LHFPL2: variants seen among roughly 807,000 people sequenced by gnomAD.
LHFPL2 encodes the protein LHFPL tetraspan subfamily member 2.
In LHFPL2, 7 loss-of-function variants were observed where a neutral mutation model predicts 17.5. The observed-to-expected ratio is 0.40, with a 90% confidence interval of 0.23 to 0.75. The LOEUF (loss-of-function observed/expected upper bound fraction) is 0.75, where lower values mean the gene tolerates loss of function less well. Ranked by LOEUF, LHFPL2 falls within the 30% of genes least tolerant of loss-of-function variation. LHFPL2 has a pLI of 0.37. For synonymous variants in LHFPL2, 134 were observed against 116.2 expected, an observed-to-expected ratio of 1.15 and a Z score of -0.99; for missense variants, 241 against 294.8, an observed-to-expected ratio of 0.82 and a Z score of 1.34.
intron 3 of LHFPL2, among the ~76,000 whole-genome samples, chr5:78,534,655 T>C (rs1243836400): frequency 1.3e-5 from 2 of 152,342 alleles, no homozygotes; most frequent in African/African-American, 4.8e-5. Flanking sequence ...CTCCAGGTCC[T>C]TGAGGGAAGC....
At chr5:78,560,322 C>T (rs1311394085) in intron 3 of LHFPL2, among the ~76,000 whole-genome samples, 1 of 152,270 alleles carries the variant, frequency 6.6e-6, no homozygotes, top group Non-Finnish European at 1.5e-5. Flanking sequence ...CTGCCGAAAA[C>T]TAAGCATCTA....
At chr5:78,610,045 C>T (rs1301972871) in intron 2 of LHFPL2, among the ~76,000 whole-genome samples, 2 of 152,084 alleles carry the variant, frequency 1.3e-5, no homozygotes, top group Non-Finnish European at 2.9e-5. Flanking sequence ...AGTCACCTAC[C>T]TAGCCTGCCA....
intron 4 of LHFPL2, among the ~76,000 whole-genome samples, chr5:78,503,238 A>C (rs952567037): frequency 2.6e-5 from 4 of 152,256 alleles, no homozygotes; most frequent in African/African-American, 9.6e-5. Flanking sequence ...TTGTTAATGT[A>C]ATTTGAATAT....
At chr5:78,604,161 G>A (rs1215657698) in intron 2 of LHFPL2, among the ~76,000 whole-genome samples, 1 of 152,032 alleles carries the variant, frequency 6.6e-6, no homozygotes, top group Non-Finnish European at 1.5e-5. Flanking sequence ...ACCATAAAAT[G>A]GTCCCACATA....
intron 4 of LHFPL2, among the ~76,000 whole-genome samples, chr5:78,509,052 T>C (rs972449729): frequency 6.6e-5 from 10 of 152,346 alleles, no homozygotes; most frequent in African/African-American, 2.4e-4. Flanking sequence ...GATGCTTTCC[T>C]GCAGCTCACA....
intron 2 of LHFPL2, among the ~76,000 whole-genome samples, chr5:78,579,629 G>A (rs1743014077): frequency 6.6e-6 from 1 of 152,046 alleles, no homozygotes; most frequent in South Asian, 2.1e-4. Context: ...TACTGAGAAT[G>A]ATGATTTCCA....
intron 3 of LHFPL2, among the ~76,000 whole-genome samples, chr5:78,545,591 T>G (rs1756248242): frequency 6.6e-6 from 1 of 152,244 alleles, no homozygotes; most frequent in South Asian, 2.1e-4. Flanking sequence ...GCGTTCATCT[T>G]GTTTAAAAAG....
chr5:78,616,418 C>T lies in LHFPL2; in HGVS notation c.-245+15846G>A, dbSNP rs144634921. ...CTGGGATTACAGGCATGAACCACCG[C>T]GTCCATCCTCTTCCCAGGTTTTCTT... On this transcript the variant is annotated intron_variant, in intron 2 of 4. Coordinates refer to ENST00000380345, the MANE Select transcript of LHFPL2 (RefSeq NM_005779.3). Among the ~76,000 whole-genome samples the T allele has an allele frequency of 3.0e-4, 46 of 152,238 alleles. No homozygotes were observed. The East Asian group carries it at 5.6e-3, about 19-fold the overall frequency.
At chr5:78,619,325 C>T (rs540846085) in intron 2 of LHFPL2, among the ~76,000 whole-genome samples, 6 of 151,990 alleles carry the variant, frequency 3.9e-5, no homozygotes, top group African/African-American at 1.2e-4. Context: ...ATGGTGCTGG[C>T]CCCAATCACT....
chr5:78,511,781 A>G (rs150819299), intron 3 of LHFPL2, among the ~76,000 whole-genome samples: 34 of 152,328 alleles, frequency 2.2e-4, no homozygotes, highest in African/African-American at 3.4e-4. Context: ...TAAAATCCTC[A>G]TATCATGGTA....
At chr5:78,637,635 T>C (rs1340910149) in intron 1 of LHFPL2, among the ~76,000 whole-genome samples, 1 of 152,236 alleles carries the variant, frequency 6.6e-6, no homozygotes, top group African/African-American at 2.4e-5. Context: ...GGTTCAGCCC[T>C]GACATTTCTC....
intron 3 of LHFPL2, among the ~76,000 whole-genome samples, chr5:78,546,852 T>C (rs1437800518): frequency 6.6e-6 from 1 of 152,234 alleles, no homozygotes; most frequent in African/African-American, 2.4e-5. Flanking sequence ...TAATCATTAG[T>C]TGCCTGGCTA....
At chr5:78,623,040 A>G (rs561447244) in intron 2 of LHFPL2, among the ~76,000 whole-genome samples, 31 of 152,338 alleles carry the variant, frequency 2.0e-4, no homozygotes, top group African/African-American at 7.2e-4. Flanking sequence ...TACAAATGGA[A>G]GAAAAGATGG....
chr5:78,624,056 T>C (rs538354584), intron 2 of LHFPL2, among the ~76,000 whole-genome samples: 1 of 152,368 alleles, frequency 6.6e-6, no homozygotes, highest in South Asian at 2.1e-4. Context: ...CAAGCTCTAA[T>C]AGCCTAGACA....
chr5:78,522,152 G>T (rs577368478), intron 3 of LHFPL2, among the ~76,000 whole-genome samples: 3 of 152,206 alleles, frequency 2.0e-5, no homozygotes, highest in Admixed American at 2.0e-4. Context: ...ACTTAAAAAG[G>T]AGTCACATTG....
At chr5:78,531,341 C>A (rs1047280746) in intron 3 of LHFPL2, among the ~76,000 whole-genome samples, 2 of 149,368 alleles carry the variant, frequency 1.3e-5, no homozygotes, top group East Asian at 3.9e-4. Context: ...CTTGAATCCA[C>A]GAGGCAGAGG....
At chr5:78,509,245 C>T (rs545619286) in intron 4 of LHFPL2, among the ~76,000 whole-genome samples, 1 of 152,334 alleles carries the variant, frequency 6.6e-6, no homozygotes, top group East Asian at 1.9e-4. Context: ...TCACTAAACA[C>T]AGAGCAGCTG....
intron 4 of LHFPL2, 72 bp downstream of exon 4, chr5:78,509,712 A>T: frequency 6.9e-7 from 1 of 1,455,032 alleles, no homozygotes; most frequent in Non-Finnish European, 9.4e-7. Context: ...GCGAATGCCC[A>T]GTACCAGAGT....
intron 2 of LHFPL2, among the ~76,000 whole-genome samples, chr5:78,597,705 G>A (rs1743875289): frequency 6.6e-6 from 1 of 152,194 alleles, no homozygotes; most frequent in South Asian, 2.1e-4. Context: ...TAAGTCAGTA[G>A]TATTCAATGA....
Sources: allele counts gnomAD v4.1 joint callset (sites outside exome capture counted in the v4.1 genomes callset), GRCh38; gene constraint gnomAD v4.1.1; transcripts MANE v1.5; gene names NCBI Gene and HGNC (gene_info 2026-07-23, HGNC 2026-07-21).